The following LIG1 variants were observed in gnomAD, a reference collection of about 807,000 sequenced individuals.
LIG1 encodes ligase I, DNA, ATP-dependent.
Under a neutral mutation model 115.7 loss-of-function variants are expected in LIG1, and 70 were observed. That is an observed-to-expected ratio of 0.60 (90% CI 0.50 to 0.74). LIG1 has a LOEUF of 0.74. LIG1 is among the 30% of genes least tolerant of loss of function. LIG1 has a pLI of 0.00. For missense variants in LIG1, 1,115 were observed against 1,225.6 expected, an observed-to-expected ratio of 0.91 and a Z score of 1.35; for synonymous variants, 487 against 495.3, an observed-to-expected ratio of 0.98 and a Z score of 0.22.
intron 26 of LIG1, among the ~76,000 whole-genome samples, chr19:48,116,534 G>A (rs2122255646): frequency 6.6e-6 from 1 of 152,146 alleles, no homozygotes; most frequent in East Asian, 1.9e-4. Flanking sequence ...ACGGCGCCAG[G>A]GTATGGGTTC....
At chr19:48,116,117 G>A (rs1452720680) in intron 26 of LIG1, 152 bp from the exon 27 acceptor site, 1 of 686,990 alleles carries the variant, frequency 1.5e-6, no homozygotes, top group East Asian at 2.7e-5. Flanking sequence ...AAAGTGCTTG[G>A]AACAGTACCC....
chr19:48,119,325 G>T, intron 24 of LIG1, 135 bp from the exon 25 acceptor site: 1 of 752,246 alleles, frequency 1.3e-6, no homozygotes, highest in Non-Finnish European at 2.3e-6. Context: ...AACCAGGGAA[G>T]TAGGGAGCTG....
intron 12 of LIG1, among the ~76,000 whole-genome samples, chr19:48,138,708 C>T (rs2034553983): frequency 6.6e-6 from 1 of 152,212 alleles, no homozygotes; most frequent in Non-Finnish European, 1.5e-5. Context: ...GAGGCCCCAG[C>T]TGCCATGGAT....
chr19:48,133,065 TG>T lies in LIG1; in HGVS notation c.1641del (p.Thr548ProfsTer8). The T allele has an allele frequency of 6.2e-7, 1 of 1,613,620 alleles. No individual in the cohort carries two copies. The highest frequency in any genetic ancestry group is 8.5e-7 in the Non-Finnish European group (1 of 1,179,806). ...GIPLKPMLAH[P>X]TRGISEVLKR... ...TTCAGGACCTCGCTGATGCCCCGGGTGGGATGGGCCAACATTGGTTTCAGGG... is the reference window on the plus strand; with the variant it reads ...TTCAGGACCTCGCTGATGCCCCGGGTGGATGGGCCAACATTGGTTTCAGGG... On this transcript the variant is annotated frameshift_variant, in exon 18 of 28. Coordinates refer to ENST00000263274, the MANE Select transcript of LIG1 (RefSeq NM_000234.3). LOFTEE classifies it high-confidence loss of function.
In LIG1 at chr19:48,140,149, G is replaced by A. The variant is rs1387594489; in HGVS notation, c.915-6C>T. 7 of 1,611,984 alleles carry A rather than the reference G, an allele frequency of 4.3e-6. No individual in the cohort carries two copies. The highest frequency in any genetic ancestry group is 2.2e-5 in the South Asian group (2 of 91,004). The stretch of plus-strand genomic sequence containing the variant: ...GCGTCTCCACCATCCGGAGCCTGGA[G>A]GAGGGGACGGGGGTATGAACACGTG... On this transcript the variant is annotated splice_region_variant and splice_polypyrimidine_tract_variant and intron_variant, in intron 11 of 27. Coordinates refer to ENST00000263274, the MANE Select transcript of LIG1 (RefSeq NM_000234.3).
At chr19:48,124,760 A>G (rs1378824524) in intron 21 of LIG1, among the ~76,000 whole-genome samples, 1 of 152,200 alleles carries the variant, frequency 6.6e-6, no homozygotes, top group East Asian at 1.9e-4. Flanking sequence ...CATGCCTGTA[A>G]TCTCAGCGCT....
rs201975345 is a variant in LIG1, at chr19:48,131,059, G to C, written c.1821+17C>G. 1,097 of 1,604,664 alleles carry C rather than the reference G, an allele frequency of 6.8e-4. 8 individuals carry two copies. In the African/African-American group the frequency reaches 0.013, roughly 19 times the overall value. ...CCACAGACCCTGGCAGAGTGCAAGT[G>C]TGTGGCAGACGCCCACCTTGGGGAT... On this transcript the variant is annotated intron_variant, in intron 19 of 27. Coordinates refer to ENST00000263274, the MANE Select transcript of LIG1 (RefSeq NM_000234.3).
In LIG1 at chr19:48,117,630, C is replaced by G. The variant is rs1270632119; in HGVS notation, c.2583+8G>C. The G allele has an allele frequency of 1.2e-6, 2 of 1,611,822 alleles. No individual in the cohort carries two copies. Among genetic ancestry groups the G allele is most frequent in the African/African-American group, 2.7e-5 (2 of 75,038 alleles). ...CACAGGGCCACGGCCAGGTCCTCTG[C>G]CACTCACCAGGCCCCGCGCAGCAGG... On this transcript the variant is annotated splice_region_variant and intron_variant, in intron 26 of 27. Transcript: ENST00000263274.
chr19:48,127,791 A>G (rs369492728), intron 20 of LIG1, 119 bp downstream of exon 20: 1 of 860,250 alleles, frequency 1.2e-6, no homozygotes, highest in Non-Finnish European at 2.0e-6. Flanking sequence ...GAAGGCTGAG[A>G]GAAGTGCATC....
intron 17 of LIG1, 36 bp downstream of exon 17, chr19:48,133,945 T>C (rs752565479): frequency 6.6e-7 from 1 of 1,524,908 alleles, no homozygotes; most frequent in African/African-American, 1.4e-5. Flanking sequence ...GGAGCAGGGC[T>C]GCTGCCAGGC....
At position 48,122,554 on chromosome 19, in the gene LIG1, T is replaced by C. The variant is rs1302208387; in HGVS notation, c.2232+380A>G. On this transcript the variant is annotated intron_variant, in intron 23 of 27. Coordinates refer to ENST00000263274, the MANE Select transcript of LIG1 (RefSeq NM_000234.3). This position sits in a 1 kb window ranked among gnomAD's most constrained non-coding sequence, Gnocchi z 4.3. The stretch of plus-strand genomic sequence containing the variant: ...CATCCGGGGCACTCCCAGCCCCGCC[T>C]TGCTGGCCCGGAGCTGACTTGCTTT... 2.0e-5 allele frequency among the ~76,000 whole-genome samples: 3 copies of C among 152,226 alleles called. No homozygotes were observed. Among genetic ancestry groups the C allele is most frequent in the Non-Finnish European group, 4.4e-5 (3 of 68,036 alleles).
chr19:48,133,556 T>C (rs2034179355), intron 17 of LIG1: 1 of 316,578 alleles, frequency 3.2e-6, no homozygotes, highest in Non-Finnish European at 6.1e-6. Flanking sequence ...CACTTCTGTG[T>C]GACAGAAAGA....
intron 16 of LIG1, 99 bp downstream of exon 16, chr19:48,135,581 G>A (rs1245547352): frequency 1.2e-5 from 11 of 941,174 alleles, no homozygotes; most frequent in Admixed American, 6.8e-5. Context: ...ATGCCTGTCC[G>A]TCACTTCACT....
At chr19:48,131,905 TCTCTGATCCTGTGTCTGTTGGATCCACC>T (rs1370095726) in intron 18 of LIG1, among the ~76,000 whole-genome samples, 2 of 151,750 alleles carry the variant, frequency 1.3e-5, no homozygotes, top group African/African-American at 4.8e-5. Flanking sequence ...TGGAGATCCA[TCTCTGATCCTGTGTCTGTTGGATCCACC>T]CTTTTTTTTT....
rs754237795 is a variant in LIG1 at position 48,151,278 on chromosome 19, T to C, written c.528A>G (p.Glu176=). The C allele has an allele frequency of 1.2e-6, 2 of 1,613,706 alleles. No individual in the cohort carries two copies. Among genetic ancestry groups the C allele is most frequent in the South Asian group, 1.1e-5 (1 of 91,054 alleles). The change falls in exon 7 of 28, where the codon GAA becomes GAG. Residue 176 remains glutamate (E), a synonymous_variant. Coordinates refer to ENST00000263274, the MANE Select transcript of LIG1 (RefSeq NM_000234.3). ...EAEVATEKEG[E]DGDQPTTPPK... ...GAGGCGTGGTGGGCTGGTCCCCGTC[T>C]TCTCCTTCCTTCTCTGTGGCCACTT...
chr19:48,125,035 A>T (rs2033572684), intron 21 of LIG1, among the ~76,000 whole-genome samples: 1 of 151,906 alleles, frequency 6.6e-6, no homozygotes, highest in Non-Finnish European at 1.5e-5. Context: ...AATCATGGGG[A>T]TGAGGACACA....
At chr19:48,169,283 C>G (rs1395820829) in intron 1 of LIG1, among the ~76,000 whole-genome samples, 1 of 152,126 alleles carries the variant, frequency 6.6e-6, no homozygotes, top group African/African-American at 2.4e-5. Context: ...AGGAATCAAG[C>G]TGCACGGGCA....
intron 21 of LIG1, among the ~76,000 whole-genome samples, chr19:48,123,976 G>C (rs2122409974): frequency 6.6e-6 from 1 of 152,326 alleles, no homozygotes; most frequent in South Asian, 2.1e-4. Context: ...TTGCAAGAGT[G>C]TGTGTCAGAG....
At chr19:48,118,628 T>C (rs766411322) in intron 25 of LIG1, 1 of 154,732 alleles carries the variant, frequency 6.5e-6, no homozygotes, top group Non-Finnish European at 1.4e-5. Flanking sequence ...AACCTCTGCA[T>C]CCTGGGTTCA....
Sources: allele counts gnomAD v4.1 joint callset (sites outside exome capture counted in the v4.1 genomes callset), GRCh38; gene constraint gnomAD v4.1.1; non-coding constraint Gnocchi (gnomAD v3.1); transcripts MANE v1.5; gene names NCBI Gene and HGNC (gene_info 2026-07-23, HGNC 2026-07-21).